PPP1R16B: variants seen among roughly 807,000 people sequenced by gnomAD.
The protein encoded by PPP1R16B is protein phosphatase 1 regulatory subunit 16B, also known as protein phosphatase 1 regulatory inhibitor subunit 16B.
Under a neutral mutation model 61.7 loss-of-function variants are expected in PPP1R16B, and 14 were observed. The observed-to-expected ratio is 0.23, with a 90% CI of 0.15 to 0.35. The LOEUF (loss-of-function observed/expected upper bound fraction) is 0.35. PPP1R16B is among the 10% of genes least tolerant of loss of function. The pLI is 1.00. For synonymous variants in PPP1R16B, 266 were observed against 305.3 expected, an observed-to-expected ratio of 0.87 and a Z score of 1.34; for missense variants, 547 against 752.5, an observed-to-expected ratio of 0.73 and a Z score of 3.19.
chr20:38,893,373 A>G (rs907660089), intron 3 of PPP1R16B, among the ~76,000 whole-genome samples: 1 of 152,190 alleles, frequency 6.6e-6, no homozygotes, highest in Non-Finnish European at 1.5e-5. Context: ...TCTTGGCAAC[A>G]GGGAGCCCTC....
intron 10 of PPP1R16B, among the ~76,000 whole-genome samples, chr20:38,909,943 G>T (rs2085475642): frequency 6.6e-6 from 1 of 152,126 alleles, no homozygotes; most frequent in African/African-American, 2.4e-5. Context: ...TGATTGTGGT[G>T]TAACTTAAGT....
chr20:38,866,279 C>T (rs1197769597), intron 2 of PPP1R16B, among the ~76,000 whole-genome samples: 2 of 152,138 alleles, frequency 1.3e-5, no homozygotes, highest in Non-Finnish European at 2.9e-5. Flanking sequence ...CCTCTGTGGG[C>T]TGAGTGTCTG....
chr20:38,897,008 T>C (rs893587684), intron 4 of PPP1R16B, among the ~76,000 whole-genome samples: 1 of 152,192 alleles, frequency 6.6e-6, no homozygotes, highest in Non-Finnish European at 1.5e-5. Flanking sequence ...TAGCCGGGCA[T>C]GGTGGTGCAT....
Position 38,906,084 on chromosome 20 carries a change from T to C in PPP1R16B, c.812T>C (p.Phe271Ser). The part of the protein sequence containing the change: ...DGWEPLHAAA[F>S]WGQMQMAELL... The stretch of plus-strand genomic sequence containing the variant: ...TGGGAGCCCCTGCATGCAGCTGCCT[T>C]CTGGGGACAGGTAGTTCTCACCCAC... Residue 271 changes from phenylalanine to serine, a missense_variant, in exon 7 of 11, where the codon TTC becomes TCC. By Grantham distance (155) the Phe-to-Ser change is radical. Coordinates refer to ENST00000299824, the MANE Select transcript of PPP1R16B (RefSeq NM_015568.4). The C allele has an allele frequency of 1.2e-6, 2 of 1,612,918 alleles. No homozygotes were observed. The highest frequency in any genetic ancestry group is 1.7e-6 in the Non-Finnish European group (2 of 1,179,830).
chr20:38,849,141 G>A (rs764644350), intron 2 of PPP1R16B, among the ~76,000 whole-genome samples: 10 of 151,968 alleles, frequency 6.6e-5, no homozygotes, highest in Admixed American at 3.3e-4. Context: ...TACTGTTTTC[G>A]TATAAGTCCT....
rs34151516 is a variant in PPP1R16B at position 38,877,952 on chromosome 20, G to GTT, written c.251-11617_251-11616dup. Reference sequence around the variant, plus strand: ...TATCTCTTGTAAGCAGCACACAGTTGTTTTTTTTTTTTTTTTTTTTTTTTT... The same window carrying GTT: ...TATCTCTTGTAAGCAGCACACAGTTGTTTTTTTTTTTTTTTTTTTTTTTTTTT... On this transcript the variant is annotated intron_variant, in intron 2 of 10. Coordinates refer to ENST00000299824, the MANE Select transcript of PPP1R16B (RefSeq NM_015568.4). Among the ~76,000 whole-genome samples the GTT allele has an allele frequency of 9.5e-4, 55 of 57,818 alleles. 4 individuals carry two copies. Among genetic ancestry groups the GTT allele is most frequent in the East Asian group, 2.1e-3 (3 of 1,432 alleles). 37.9% of individuals were successfully genotyped at this position (57,818 alleles called of 152,430 possible). A position where few individuals can be genotyped will look rare whatever the true frequency, so the allele number is the denominator to read the frequency against.
chr20:38,816,087 GA>G (rs113433665), intron 1 of PPP1R16B, among the ~76,000 whole-genome samples: 140 of 145,212 alleles, frequency 9.6e-4, no homozygotes, highest in South Asian at 4.3e-3. Flanking sequence ...GAAGCAAAAA[GA>G]AAAAAAAAAA....
At chr20:38,895,102 C>T (rs954029113) in intron 3 of PPP1R16B, among the ~76,000 whole-genome samples, 4 of 152,144 alleles carry the variant, frequency 2.6e-5, no homozygotes, top group African/African-American at 9.7e-5. Flanking sequence ...GAGGCCACTG[C>T]CAGGAAAGGG....
At chr20:38,903,367 G>A (rs1198989844) in intron 6 of PPP1R16B, among the ~76,000 whole-genome samples, 1 of 152,000 alleles carries the variant, frequency 6.6e-6, no homozygotes, top group Non-Finnish European at 1.5e-5. Context: ...TTCTTGCTTT[G>A]CACTGTCCAT....
At chr20:38,831,717 C>T (rs565565002) in intron 1 of PPP1R16B, among the ~76,000 whole-genome samples, 1 of 152,286 alleles carries the variant, frequency 6.6e-6, no homozygotes, top group African/African-American at 2.4e-5. Flanking sequence ...GAAAAGCAGA[C>T]CCCCCGATGT....
chr20:38,906,478 A>G (rs969638375), intron 7 of PPP1R16B, among the ~76,000 whole-genome samples: 1 of 151,832 alleles, frequency 6.6e-6, no homozygotes, highest in Admixed American at 6.6e-5. Flanking sequence ...TATTTTTAGT[A>G]GAGACAGGGT....
chr20:38,893,010 A>G (rs1451819230), intron 3 of PPP1R16B, among the ~76,000 whole-genome samples: 2 of 152,060 alleles, frequency 1.3e-5, no homozygotes, highest in Admixed American at 6.6e-5. Context: ...TTGGATTTCA[A>G]TTCATCTTAC....
intron 2 of PPP1R16B, among the ~76,000 whole-genome samples, chr20:38,856,036 T>C (rs1412272807): frequency 2.1e-5 from 3 of 142,762 alleles, no homozygotes; most frequent in Admixed American, 7.1e-5. Flanking sequence ...CAGGATTCCC[T>C]TGATGGTTCC....
chr20:38,860,348 C>G (rs1358795514), intron 2 of PPP1R16B, among the ~76,000 whole-genome samples: 1 of 152,224 alleles, frequency 6.6e-6, no homozygotes, highest in Non-Finnish European at 1.5e-5. Context: ...GTGATCCTCC[C>G]GCCTCAGCCT....
rs1340976525 is a variant in PPP1R16B at position 38,921,089 on chromosome 20, T to G, written c.*2423T>G. 8 of 152,256 alleles carry G rather than the reference T, an allele frequency of 5.3e-5. No individual in the cohort carries two copies. The highest frequency in any genetic ancestry group is 2.6e-4 in the Admixed American group (4 of 15,284). The allele number at this position is 152,256 out of a possible 1,614,324, so 9.4% of individuals were successfully genotyped here. A position where few individuals can be genotyped will look rare whatever the true frequency, so the allele number is the denominator to read the frequency against. Reference sequence around the variant, plus strand: ...TCCGCATGCCTCCTGCCTCCTGGGCTATTCCTCTCCACCCAGAAGGCTGGG... The same window carrying G: ...TCCGCATGCCTCCTGCCTCCTGGGCGATTCCTCTCCACCCAGAAGGCTGGG... On this transcript the variant is annotated 3_prime_UTR_variant, in exon 11 of 11. Coordinates refer to ENST00000299824, the MANE Select transcript of PPP1R16B (RefSeq NM_015568.4).
At chr20:38,883,183 T>C (rs1212859441) in intron 2 of PPP1R16B, among the ~76,000 whole-genome samples, 1 of 152,174 alleles carries the variant, frequency 6.6e-6, no homozygotes, top group Non-Finnish European at 1.5e-5. Context: ...CCCGGGGAGA[T>C]GCAGCTTGCC....
Position 38,835,019 on chromosome 20 carries a change from A to G in PPP1R16B, c.-101-806A>G, listed in dbSNP as rs375592202. ...TAGCTTTGGGAACCACTGTATACTC[A>G]TAAGATAATGAGTAGAAAAGGTTAG... On this transcript the variant is annotated intron_variant, in intron 1 of 10. Transcript: ENST00000299824. 1.1e-4 allele frequency among the ~76,000 whole-genome samples: 16 copies of G among 152,332 alleles called. No homozygotes were observed. In the East Asian group the frequency reaches 2.9e-3, roughly 28 times the overall value.
intron 2 of PPP1R16B, among the ~76,000 whole-genome samples, chr20:38,866,645 G>A (rs2085092824): frequency 6.6e-6 from 1 of 152,192 alleles, no homozygotes; most frequent in Non-Finnish European, 1.5e-5. Flanking sequence ...GGCCTGGGAT[G>A]GAGGGTGGGT....
In PPP1R16B at chr20:38,886,133, C is replaced by T. The variant is rs1039330919; in HGVS notation, c.251-3462C>T. Among the ~76,000 whole-genome samples the T allele has an allele frequency of 4.6e-5, 7 of 152,234 alleles. No individual in the cohort carries two copies. The East Asian group carries it at 7.7e-4, about 17-fold the overall frequency. On this transcript the variant is annotated intron_variant, in intron 2 of 10. Transcript: ENST00000299824. ...TACTGAACTCTAGAGGCAGGGAGCC[C>T]GGTTGTGCACTGGGCGCCGAGGACT...
Sources: allele counts gnomAD v4.1 joint callset (sites outside exome capture counted in the v4.1 genomes callset), GRCh38; gene constraint gnomAD v4.1.1; transcripts MANE v1.5; gene names NCBI Gene and HGNC (gene_info 2026-07-23, HGNC 2026-07-21).